The following MYT1L variants were observed in gnomAD, a reference collection of about 807,000 sequenced individuals.
The protein encoded by MYT1L is myelin transcription factor 1-like protein.
Under a neutral mutation model 126.7 loss-of-function variants are expected in MYT1L, and 12 were observed. The observed-to-expected ratio is 0.09, with a 90% CI of 0.06 to 0.15. The LOEUF is 0.15. Ranked by LOEUF, MYT1L falls within the 10% of genes least tolerant of loss-of-function variation. MYT1L has a pLI of 1.00. For synonymous variants in MYT1L, 541 were observed against 604.2 expected (o/e 0.90, Z 1.53); for missense variants, 979 against 1,585.2 (o/e 0.62, Z 6.49).
At chr2:2,175,788 C>T (rs1171267047) in intron 2 of MYT1L, among the ~76,000 whole-genome samples, 2 of 152,244 alleles carry the variant, frequency 1.3e-5, no homozygotes, top group African/African-American at 4.8e-5. Context: ...GACAGCACAT[C>T]ACAGCAGCAG....
At chr2:2,100,998 C>CA (rs2078003109) in intron 3 of MYT1L, among the ~76,000 whole-genome samples, 1 of 152,106 alleles carries the variant, frequency 6.6e-6, no homozygotes, top group Non-Finnish European at 1.5e-5. Context: ...GCAGAGTTAT[C>CA]ACTCCTCAAA....
chr2:1,991,123 C>T (rs961672408), intron 5 of MYT1L, among the ~76,000 whole-genome samples: 1 of 152,170 alleles, frequency 6.6e-6, no homozygotes, highest in Non-Finnish European at 1.5e-5. Flanking sequence ...GTCTCAACTA[C>T]GTCTCTCATT....
At position 2,124,660 on chromosome 2, in the gene MYT1L, T is replaced by C. The variant is rs188399613; in HGVS notation, c.-304+48212A>G. 7.3e-3 allele frequency among the ~76,000 whole-genome samples: 1,112 copies of C among 152,374 alleles called. 13 individuals carry two copies. Among genetic ancestry groups the C allele is most frequent in the African/African-American group, 0.024 (1,011 of 41,590 alleles). ...AGCTTTGATTATCTGCTATATCTCA[T>C]TGATTCTTTCTTAAGACCATGTGAG... On this transcript the variant is annotated intron_variant, in intron 3 of 24. Transcript: ENST00000647738.
intron 3 of MYT1L, among the ~76,000 whole-genome samples, chr2:2,072,491 T>C (rs1186704275): frequency 6.6e-6 from 1 of 152,006 alleles, no homozygotes; most frequent in Non-Finnish European, 1.5e-5. Flanking sequence ...AAAAAATGCA[T>C]GAGATGTTTG....
At chr2:1,941,059 T>C (rs1016088542) in intron 9 of MYT1L, among the ~76,000 whole-genome samples, 14 of 152,248 alleles carry the variant, frequency 9.2e-5, no homozygotes, top group African/African-American at 1.9e-4. Context: ...CAAGTGAGAA[T>C]AGACAAACCC....
intron 1 of MYT1L, chr2:2,324,917 G>C (rs1247858514): frequency 2.0e-5 from 3 of 152,254 alleles, no homozygotes; most frequent in African/African-American, 7.2e-5. Context: ...TGTGTATCAA[G>C]CTTGCAACAC....
intron 5 of MYT1L, among the ~76,000 whole-genome samples, chr2:1,990,727 G>A (rs893258908): frequency 4.6e-5 from 7 of 152,178 alleles, no homozygotes; most frequent in African/African-American, 1.4e-4. Flanking sequence ...GGAAAAGAAC[G>A]GCAGTTCTGT....
chr2:1,881,863 C>T (rs571899164), intron 18 of MYT1L, among the ~76,000 whole-genome samples: 9 of 152,346 alleles, frequency 5.9e-5, no homozygotes, highest in Non-Finnish European at 1.3e-4. Flanking sequence ...AAGCAGCACA[C>T]TGAAGGTGGT....
At chr2:1,810,477 T>C (rs906096488) in intron 21 of MYT1L, among the ~76,000 whole-genome samples, 2 of 152,206 alleles carry the variant, frequency 1.3e-5, no homozygotes, top group Non-Finnish European at 2.9e-5. Flanking sequence ...TATGTGTTTA[T>C]TCTCTCTATA....
rs1350490618 is a variant in MYT1L at position 1,801,758 on chromosome 2, TTTC to T, written c.3211_3213del (p.Glu1071del). Reference sequence around the variant, plus strand: ...GAATTGGATTCATTTAGCTCCTTGATTTCTTCATCTAACTGTTTGATTTCTTCA... The same window carrying T: ...GAATTGGATTCATTTAGCTCCTTGATTTCATCTAACTGTTTGATTTCTTCA... On this transcript the variant is annotated inframe_deletion, in exon 23 of 25. Coordinates refer to ENST00000647738, the MANE Select transcript of MYT1L (RefSeq NM_001303052.2). This position sits in a 1 kb window ranked among gnomAD's most constrained non-coding sequence, Gnocchi z 4.2. The T allele has an allele frequency of 6.2e-7, 1 of 1,611,712 alleles. No individual in the cohort carries two copies. Among genetic ancestry groups the T allele is most frequent in the Non-Finnish European group, 8.5e-7 (1 of 1,178,494 alleles).
intron 10 of MYT1L, among the ~76,000 whole-genome samples, chr2:1,920,259 C>T (rs2053403234): frequency 6.6e-6 from 1 of 152,220 alleles, no homozygotes. Flanking sequence ...CCCATTTATA[C>T]AGGGGAAGCA....
intron 18 of MYT1L, among the ~76,000 whole-genome samples, chr2:1,885,832 C>T (rs1005833700): frequency 2.0e-5 from 3 of 152,158 alleles, no homozygotes; most frequent in African/African-American, 7.2e-5. Flanking sequence ...TTTGAGACTC[C>T]CCCTGTGACT....
At chr2:2,180,035 CCAGT>C (rs2091241661) in intron 2 of MYT1L, among the ~76,000 whole-genome samples, 1 of 152,184 alleles carries the variant, frequency 6.6e-6, no homozygotes, top group African/African-American at 2.4e-5. Context: ...ACACAGCCAG[CCAGT>C]GATTCCACTG....
intron 23 of MYT1L, among the ~76,000 whole-genome samples, chr2:1,794,183 G>A (rs1359327612): frequency 6.6e-6 from 1 of 152,198 alleles, no homozygotes; most frequent in African/African-American, 2.4e-5. Context: ...GCATCTGGTG[G>A]CTTTCCTAGA....
At chr2:2,314,427 C>T (rs1465870691) in intron 1 of MYT1L, among the ~76,000 whole-genome samples, 2 of 152,212 alleles carry the variant, frequency 1.3e-5, no homozygotes, top group Admixed American at 6.5e-5. Context: ...AAGGCCTGGT[C>T]CTTTTTCCCC....
intron 18 of MYT1L, among the ~76,000 whole-genome samples, chr2:1,864,579 C>T (rs751690118): frequency 3.3e-5 from 5 of 152,212 alleles, no homozygotes; most frequent in African/African-American, 4.8e-5. Context: ...GCTGAGCTCC[C>T]GCTTTGCCTC....
chr2:2,325,163 A>C (rs2096229715), intron 1 of MYT1L: 1 of 152,256 alleles, frequency 6.6e-6, no homozygotes, highest in South Asian at 2.1e-4. Flanking sequence ...AACCTCACAG[A>C]AGTAAGCTGA....
chr2:2,155,749 T>G (rs1172917170), intron 3 of MYT1L, among the ~76,000 whole-genome samples: 2 of 152,194 alleles, frequency 1.3e-5, no homozygotes, highest in South Asian at 2.1e-4. Flanking sequence ...GACGTCCTCA[T>G]GGAGCTGTAT....
chr2:2,062,674 C>T (rs1315955600), intron 3 of MYT1L, among the ~76,000 whole-genome samples: 1 of 152,216 alleles, frequency 6.6e-6, no homozygotes, highest in Non-Finnish European at 1.5e-5. Flanking sequence ...TTTGTCTTGA[C>T]ACCCAACTAA....
Sources: gnomAD v4.1 joint callset for allele counts (sites outside exome capture counted in the v4.1 genomes callset) on GRCh38, gnomAD v4.1.1 for gene constraint, Gnocchi (gnomAD v3.1) non-coding constraint, MANE v1.5 for transcripts, NCBI Gene and HGNC (gene_info 2026-07-23, HGNC 2026-07-21) for gene names.